The following TRAPPC3 variants were observed in gnomAD, a reference collection of about 807,000 sequenced individuals.
The protein encoded by TRAPPC3 is trafficking protein particle complex subunit 3.
In TRAPPC3, 5 loss-of-function variants were observed where a neutral mutation model predicts 18.2. That is an observed-to-expected ratio of 0.28 (90% confidence interval 0.14 to 0.58). The LOEUF is 0.58. TRAPPC3 is among the 20% of genes least tolerant of loss of function. TRAPPC3 has a pLI of 0.91. For synonymous variants in TRAPPC3, 65 were observed against 84.2 expected, an observed-to-expected ratio of 0.77 and a Z score of 1.25; for missense variants, 176 against 225.9, an observed-to-expected ratio of 0.78 and a Z score of 1.41.
chr1:36,143,901 C>T (rs1012239652), intron 1 of TRAPPC3, among the ~76,000 whole-genome samples: 1 of 152,126 alleles, frequency 6.6e-6, no homozygotes, highest in African/African-American at 2.4e-5. Flanking sequence ...CAATGAAATT[C>T]CAATCAGATA....
In TRAPPC3 at chr1:36,137,300, T is replaced by G; in HGVS notation, c.446A>C (p.Lys149Thr). ...LEMVQMAVEA[K>T]FVQDTLKGDG... ...TCCTTTCAGGGTGTCCTGGACAAAC[T>G]TGGCCTCCACAGCCATCTGGACCTG... Residue 149 changes from lysine to threonine, a missense_variant, in exon 5 of 5, where the codon AAG (lysine) becomes ACG (threonine). Physicochemically the swap from Lys to Thr is moderately conservative, Grantham distance 78. Around this residue, in one of 2 missense-constraint regions of TRAPPC3, gnomAD observed 29 missense variants for 61.5 expected, o/e 0.47. Transcript: ENST00000373166. The G allele has an allele frequency of 6.2e-7, 1 of 1,612,446 alleles. No homozygotes were observed. The highest frequency in any genetic ancestry group is 1.1e-5 in the South Asian group (1 of 91,034).
upstream of TRAPPC3, among the ~76,000 whole-genome samples, chr1:36,151,360 T>G (rs1557765095): frequency 6.6e-6 from 1 of 152,056 alleles, no homozygotes. Context: ...CCCATCTCCA[T>G]AAAAAATAAT....
intron 1 of TRAPPC3, among the ~76,000 whole-genome samples, chr1:36,141,657 GT>G (rs751160642): frequency 2.6e-5 from 4 of 152,118 alleles, no homozygotes; most frequent in Non-Finnish European, 5.9e-5. Flanking sequence ...ACCCAGAATG[GT>G]TAAAGAATGT....
intron 1 of TRAPPC3, among the ~76,000 whole-genome samples, chr1:36,148,770 G>A (rs1644237064): frequency 6.6e-6 from 1 of 152,144 alleles, no homozygotes; most frequent in Non-Finnish European, 1.5e-5. Context: ...TTATTCCATT[G>A]AATAAAACGT....
At chr1:36,149,823 G>C (rs771287393), upstream of TRAPPC3, among the ~76,000 whole-genome samples, 21 of 152,336 alleles carry the variant, frequency 1.4e-4, no homozygotes, top group South Asian at 1.4e-3. Flanking sequence ...GTTGGTCTTG[G>C]AAAGTCCCTC....
rs757532491 is a variant in TRAPPC3 at position 36,140,118 on chromosome 1, A to G, written c.91T>C (p.Cys31Arg). 3 of 1,605,126 alleles carry G rather than the reference A, an allele frequency of 1.9e-6. No individual in the cohort carries two copies. The highest frequency in any genetic ancestry group is 2.5e-6 in the Non-Finnish European group (3 of 1,177,564). ...TCTTCATCATTTTCATAGTCCTTAC[A>G]TAGCTGGGTGACCAGGGCACCATAG... The part of the protein sequence containing the change: ...LTYGALVTQL[C>R]KDYENDEDVN... The change falls in exon 2 of 5, where the codon TGT becomes CGT. Residue 31 changes from cysteine to arginine, a missense_variant. Cys to Arg is a radical substitution (Grantham distance 180, BLOSUM62 -3). This residue lies in a region of TRAPPC3 where 147 missense variants were observed against 164.3 expected (regional missense o/e 0.89). Transcript: ENST00000373166.
In TRAPPC3 at chr1:36,137,197, G is replaced by A; in HGVS notation, c.*6C>T. 1 of 1,604,362 alleles carries A rather than the reference G, an allele frequency of 6.2e-7. No individual in the cohort carries two copies. Among genetic ancestry groups the A allele is most frequent in the Non-Finnish European group, 8.5e-7 (1 of 1,171,740 alleles). On this transcript the variant is annotated 3_prime_UTR_variant, in exon 5 of 5. Coordinates refer to ENST00000373166, the MANE Select transcript of TRAPPC3 (RefSeq NM_014408.5). Reference sequence around the variant, plus strand: ...CCTGATGGCTATCCTCGAGTTGTAGGGATGGTTATTCCTCTCCAGCTGGAA... The same window carrying A: ...CCTGATGGCTATCCTCGAGTTGTAGAGATGGTTATTCCTCTCCAGCTGGAA...
chr1:36,146,181 C>A (rs752040314), intron 1 of TRAPPC3, among the ~76,000 whole-genome samples: 1 of 152,036 alleles, frequency 6.6e-6, no homozygotes, highest in Admixed American at 6.6e-5. Flanking sequence ...CGGGTTCAAG[C>A]GATTCTCCTG....
chr1:36,144,091 G>A (rs922043207), intron 1 of TRAPPC3, among the ~76,000 whole-genome samples: 7 of 151,418 alleles, frequency 4.6e-5, no homozygotes, highest in Admixed American at 1.3e-4. Flanking sequence ...AGTTCAAGAC[G>A]AGCCTGGCCA....
At chr1:36,152,506 C>T (rs536449743), upstream of TRAPPC3, among the ~76,000 whole-genome samples, 1 of 151,882 alleles carries the variant, frequency 6.6e-6, no homozygotes, top group East Asian at 1.9e-4. Flanking sequence ...GACTGGGTTT[C>T]GACATGTTGG....
intron 3 of TRAPPC3, 82 bp downstream of exon 3, chr1:36,139,638 C>G (rs909715686): frequency 6.3e-6 from 10 of 1,578,146 alleles, no homozygotes; most frequent in Non-Finnish European, 8.6e-6. Flanking sequence ...TTAAAGGCCT[C>G]TCTAAGGGAG....
At chr1:36,142,893 A>G (rs1644137920) in intron 1 of TRAPPC3, among the ~76,000 whole-genome samples, 1 of 151,928 alleles carries the variant, frequency 6.6e-6, no homozygotes, top group Non-Finnish European at 1.5e-5. Context: ...TCAGCCAGGC[A>G]TGGTGGTGGA....
intron 3 of TRAPPC3, chr1:36,139,502 T>A: frequency 1.7e-6 from 1 of 592,858 alleles, no homozygotes; most frequent in Middle Eastern, 4.7e-4. Context: ...ACCTTCACAG[T>A]GGAAAAGCTC....
At chr1:36,142,639 T>C (rs909364557) in intron 1 of TRAPPC3, among the ~76,000 whole-genome samples, 3 of 152,226 alleles carry the variant, frequency 2.0e-5, no homozygotes, top group African/African-American at 4.8e-5. Context: ...TACCCTCTCT[T>C]GATTTGCAAG....
intron 3 of TRAPPC3, chr1:36,138,318 G>A (rs1385493645): frequency 6.7e-7 from 1 of 1,487,226 alleles, no homozygotes; most frequent in Admixed American, 2.0e-5. Flanking sequence ...TCGACACGGT[G>A]GCTGCCTGAG....
intron 1 of TRAPPC3, among the ~76,000 whole-genome samples, chr1:36,144,113 C>A (rs985240444): frequency 3.3e-5 from 5 of 151,636 alleles, no homozygotes; most frequent in Non-Finnish European, 7.4e-5. Context: ...CATGGTGAAA[C>A]CCCGTCTCTA....
Position 36,137,086 on chromosome 1 carries a change from A to T in TRAPPC3, c.*117T>A. 3 of 1,234,332 alleles carry T rather than the reference A, an allele frequency of 2.4e-6. No homozygotes were observed. Among genetic ancestry groups the T allele is most frequent in the Non-Finnish European group, 2.3e-6 (2 of 879,060 alleles). 76.5% of individuals were successfully genotyped at this position (1,234,332 alleles called of 1,614,324 possible). On this transcript the variant is annotated 3_prime_UTR_variant, in exon 5 of 5. Coordinates refer to ENST00000373166, the MANE Select transcript of TRAPPC3 (RefSeq NM_014408.5). ...TTTGAATGGAGAATGGAAACAGGTT[A>T]TAAGAATATATAACATCCATGTTCA... is the stretch of plus-strand genomic sequence containing the variant.
rs1376602990 is a variant in TRAPPC3, at chr1:36,149,380, G to T, written c.-2C>A. The T allele has an allele frequency of 6.2e-6, 10 of 1,612,904 alleles. No individual in the cohort carries two copies. Among genetic ancestry groups the T allele is most frequent in the Non-Finnish European group, 8.5e-6 (10 of 1,179,748 alleles). ...GCCACGGTTCGCCTGCCTCGACATG[G>T]TGCCGGCCGCCCCGCCCCACTCGCC... On this transcript the variant is annotated 5_prime_UTR_variant, in exon 1 of 5. Coordinates refer to ENST00000373166, the MANE Select transcript of TRAPPC3 (RefSeq NM_014408.5).
chr1:36,138,493 T>C (rs1311710602), intron 3 of TRAPPC3, among the ~76,000 whole-genome samples: 1 of 152,238 alleles, frequency 6.6e-6, no homozygotes, highest in African/African-American at 2.4e-5. Context: ...CTTTAGGATT[T>C]GGGTATGACC....
Sources: gnomAD v4.1 joint callset for allele counts (sites outside exome capture counted in the v4.1 genomes callset) on GRCh38, gnomAD v4.1.1 for gene constraint, gnomAD v4.1.1 regional missense constraint, MANE v1.5 for transcripts, NCBI Gene and HGNC (gene_info 2026-07-23, HGNC 2026-07-21) for gene names.